SMTN: variants seen among roughly 807,000 people sequenced by gnomAD.
SMTN encodes the protein smoothelin.
SMTN carries 58 observed loss-of-function variants against 102.0 expected under a neutral mutation model. The ratio of observed to expected loss-of-function variants is 0.57; its 90% confidence interval spans 0.46 to 0.71. The LOEUF is 0.71. SMTN is among the 30% of genes least tolerant of loss of function. The pLI, the probability that SMTN is intolerant of heterozygous loss-of-function variation, is 0.00. For missense variants in SMTN, 1,185 were observed against 1,241.7 expected, an observed-to-expected ratio of 0.95 and a Z score of 0.69; for synonymous variants, 478 against 497.9, an observed-to-expected ratio of 0.96 and a Z score of 0.53.
At chr22:31,064,745 C>T (rs2041802632) in intron 1 of SMTN, 1 of 152,150 alleles carries the variant, frequency 6.6e-6, no homozygotes, top group South Asian at 2.1e-4. Flanking sequence ...TTTAGACTTA[C>T]AGAAACGTTG....
chr22:31,093,280 G>C (rs1239014897), intron 11 of SMTN: 2 of 294,590 alleles, frequency 6.8e-6, no homozygotes, highest in Non-Finnish European at 1.3e-5. Flanking sequence ...GTTTCTATTT[G>C]GGCTGCAGCT....
At chr22:31,069,479 G>C (rs1282995679) in intron 1 of SMTN, among the ~76,000 whole-genome samples, 1 of 152,198 alleles carries the variant, frequency 6.6e-6, no homozygotes, top group Non-Finnish European at 1.5e-5. Flanking sequence ...ATGTTAGAAC[G>C]ATGAATTCGA....
intron 1 of SMTN, among the ~76,000 whole-genome samples, chr22:31,076,131 T>C (rs2042123007): frequency 6.6e-6 from 1 of 152,210 alleles, no homozygotes; most frequent in African/African-American, 2.4e-5. Flanking sequence ...CTGCCTGCCT[T>C]CCCTTGCTTG....
Position 31,088,620 on chromosome 22 carries a change from TG to T in SMTN, c.294+18del. 1.2e-6 allele frequency: 2 copies of T among 1,613,220 alleles called. No individual in the cohort carries two copies. ...TTGACTGCACTGGTGAGGCCCAGGC[TG>T]GGGCAGGGGATGGGGGCAGGGCAGG... On this transcript the variant is annotated intron_variant, in intron 4 of 20. Coordinates refer to ENST00000333137, the MANE Select transcript of SMTN (RefSeq NM_134269.3).
At chr22:31,096,590 T>TAG in intron 13 of SMTN, 143 bp from the exon 14 acceptor site, 1 of 821,782 alleles carries the variant, frequency 1.2e-6, no homozygotes. Context: ...CAGCTGCTCC[T>TAG]AGAGAGGCCC....
Position 31,090,976 on chromosome 22 carries a change from C to G in SMTN, c.953C>G (p.Ala318Gly). 6.2e-7 allele frequency: 1 copy of G among 1,613,230 alleles called. No homozygotes were observed. The highest frequency in any genetic ancestry group is 1.7e-4 in the Middle Eastern group (1 of 6,058). The change falls in exon 10 of 21, where the codon GCC (alanine) becomes GGC (glycine). Residue 318 changes from alanine to glycine, a missense_variant. By Grantham distance (60) the Ala-to-Gly change is moderately conservative (BLOSUM62 0). This residue lies in a region of SMTN where 1,096 missense variants were observed against 1,112.7 expected (regional missense o/e 0.98). Coordinates refer to ENST00000333137, the MANE Select transcript of SMTN (RefSeq NM_134269.3). ...TTCCTTCTAGAGTCCACCCCCCTTG[C>G]CAGCGGACCTTCCTCATTCCAGCGG... Reference protein sequence around the residue: ...PAQNRESTPLASGPSSFQRAG... With the variant: ...PAQNRESTPLGSGPSSFQRAG...
At chr22:31,073,239 A>T (rs2147487673) in intron 1 of SMTN, among the ~76,000 whole-genome samples, 1 of 140,042 alleles carries the variant, frequency 7.1e-6, no homozygotes, top group Admixed American at 6.7e-5. Context: ...ACACATACAG[A>T]CACAGACACA....
intron 1 of SMTN, among the ~76,000 whole-genome samples, chr22:31,068,638 G>A (rs2041922785): frequency 6.6e-6 from 1 of 152,202 alleles, no homozygotes; most frequent in South Asian, 2.1e-4. Flanking sequence ...GAATCCAGTG[G>A]TTCATTTGTT....
chr22:31,097,286 A>G lies in SMTN; in HGVS notation c.2107A>G (p.Met703Val), dbSNP rs1378516131. ...RRSENGSGST[M>V]MQTKTFSSSS... is the part of the protein sequence containing the mutation. The stretch of plus-strand genomic sequence containing the variant: ...TTTTGCAGATGGCAGTGGCAGCACC[A>G]TGATGCAAACCAAGACCTTCTCCTC... Residue 703 changes from methionine to valine, a missense_variant, in exon 16 of 21, where the codon ATG becomes GTG. By Grantham distance (21) the Met-to-Val change is conservative (BLOSUM62 1). Coordinates refer to ENST00000333137, the MANE Select transcript of SMTN (RefSeq NM_134269.3). The G allele has an allele frequency of 4.3e-6, 7 of 1,614,156 alleles. No individual in the cohort carries two copies. The highest frequency in any genetic ancestry group is 1.3e-5 in the African/African-American group (1 of 75,046).
In SMTN at chr22:31,097,262, T is replaced by G; in HGVS notation, c.2090-7T>G. Reference sequence around the variant, plus strand: ...CCTCACCTGGTGCCCCTTCCCCTTTTTTGCAGATGGCAGTGGCAGCACCAT... The same window carrying G: ...CCTCACCTGGTGCCCCTTCCCCTTTGTTGCAGATGGCAGTGGCAGCACCAT... On this transcript the variant is annotated splice_region_variant and splice_polypyrimidine_tract_variant and intron_variant, in intron 15 of 20. Coordinates refer to ENST00000333137, the MANE Select transcript of SMTN (RefSeq NM_134269.3). 6.2e-7 allele frequency: 1 copy of G among 1,614,100 alleles called. No homozygotes were observed. Among genetic ancestry groups the G allele is most frequent in the Non-Finnish European group, 8.5e-7 (1 of 1,179,966 alleles).
Position 31,097,561 on chromosome 22 carries a change from G to A in SMTN, c.2159+223G>A, listed in dbSNP as rs577019986. 1.3e-4 allele frequency among the ~76,000 whole-genome samples: 20 copies of A among 152,032 alleles called. No homozygotes were observed. The East Asian group carries it at 3.5e-3, about 26-fold the overall frequency. On this transcript the variant is annotated intron_variant, in intron 16 of 20. Coordinates refer to ENST00000333137, the MANE Select transcript of SMTN (RefSeq NM_134269.3). ...TCTACTAAAAATACAAAAATTAGCC[G>A]GGCGTGGTGGCAGGCACCTGTAATC...
In SMTN at chr22:31,098,861, GGGCAGTGGGGGGCGGGGCGTGATA is replaced by G. The variant is rs764824974; in HGVS notation, c.2333+40_2333+63del. The G allele has an allele frequency of 3.3e-3, 5,188 of 1,566,480 alleles. 1 individual carries two copies. Among genetic ancestry groups the G allele is most frequent in the Non-Finnish European group, 4.0e-3 (4,683 of 1,156,458 alleles). On this transcript the variant is annotated intron_variant, in intron 17 of 20. Coordinates refer to ENST00000333137, the MANE Select transcript of SMTN (RefSeq NM_134269.3). ...GCCGGGTGAGCTGCAGAAGTGGGCTGGGCAGTGGGGGGCGGGGCGTGATAGGCAGTGGGGGGCGGGGCTTGATAG... is the reference window on the plus strand; with the variant it reads ...GCCGGGTGAGCTGCAGAAGTGGGCTGGGCAGTGGGGGGCGGGGCTTGATAG...
Position 31,095,235 on chromosome 22 carries a change from C to A in SMTN, c.1633-68C>A. Reference sequence around the variant, plus strand: ...GCAACCCTAGGATCTGCTTCCCTATCCATTGGAGACATGATGAGTTTCACC... The same window carrying A: ...GCAACCCTAGGATCTGCTTCCCTATACATTGGAGACATGATGAGTTTCACC... On this transcript the variant is annotated intron_variant, in intron 11 of 20. Transcript: ENST00000333137. This position sits in a 1 kb window ranked among gnomAD's most constrained non-coding sequence, Gnocchi z 4.1. 1 of 1,520,126 alleles carries A rather than the reference C, an allele frequency of 6.6e-7. No homozygotes were observed. The highest frequency in any genetic ancestry group is 2.3e-5 in the East Asian group (1 of 44,366). The allele number at this position is 1,520,126 out of a possible 1,614,324, so 94.2% of individuals were successfully genotyped here.
At position 31,101,049 on chromosome 22, in the gene SMTN, GGT is replaced by G. The variant is rs1475254728; in HGVS notation, c.*20+2_*20+3del. The G allele has an allele frequency of 6.3e-7, 1 of 1,593,192 alleles. No individual in the cohort carries two copies. The highest frequency in any genetic ancestry group is 8.6e-7 in the Non-Finnish European group (1 of 1,166,916). On this transcript the variant is annotated splice_donor_variant, in intron 20 of 20. Coordinates refer to ENST00000333137, the MANE Select transcript of SMTN (RefSeq NM_134269.3). LOFTEE classifies it low-confidence loss of function (3UTR_SPLICE). ...TCCTAACCCCTGCTCGGGGCCCCAC[GGT>G]GAGAAACGCCGCCTCTACCACCTGC...
chr22:31,079,322 G>A (rs1304057372), upstream of SMTN, among the ~76,000 whole-genome samples: 1 of 152,230 alleles, frequency 6.6e-6, no homozygotes. Context: ...GTGGACCCAG[G>A]CACTAAGGGC....
At chr22:31,064,568 T>C (rs1304552687) in intron 1 of SMTN, 1 of 152,196 alleles carries the variant, frequency 6.6e-6, no homozygotes, top group Non-Finnish European at 1.5e-5. Context: ...TCATAGCTCA[T>C]TGCAGCCTTG....
chr22:31,095,689 G>T lies in SMTN; in HGVS notation c.1861+80G>T. On this transcript the variant is annotated intron_variant, in intron 13 of 20. Transcript: ENST00000333137. The surrounding 1 kb of genome is among the most constrained non-coding windows in gnomAD (Gnocchi z 4.1). Reference sequence around the variant, plus strand: ...CCCTCATACTCTGGGGTCCATTTGTGGACACCCCAGCTTAATAACTGCCCT... The same window carrying T: ...CCCTCATACTCTGGGGTCCATTTGTTGACACCCCAGCTTAATAACTGCCCT... 1 of 1,282,648 alleles carries T rather than the reference G, an allele frequency of 7.8e-7. No homozygotes were observed. Among genetic ancestry groups the T allele is most frequent in the Non-Finnish European group, 1.1e-6 (1 of 913,494 alleles). 79.5% of individuals were successfully genotyped at this position (1,282,648 alleles called of 1,614,324 possible).
At chr22:31,103,067 G>T in intron 20 of SMTN, 1 of 152,334 alleles carries the variant, frequency 6.6e-6, no homozygotes. Flanking sequence ...AACTGGTTAG[G>T]GATACAGTCT....
upstream of SMTN, among the ~76,000 whole-genome samples, chr22:31,079,445 T>C (rs2042209562): frequency 6.6e-6 from 1 of 152,184 alleles, no homozygotes; most frequent in African/African-American, 2.4e-5. Context: ...CCTCCTAGCC[T>C]ACAGTAGGGC....
Sources: allele counts gnomAD v4.1 joint callset (sites outside exome capture counted in the v4.1 genomes callset), GRCh38; gene constraint gnomAD v4.1.1; regional missense constraint gnomAD v4.1.1; non-coding constraint Gnocchi (gnomAD v3.1); transcripts MANE v1.5; gene names NCBI Gene and HGNC (gene_info 2026-07-23, HGNC 2026-07-21).